Variants in CCDC88C observed in about 807,000 individuals in gnomAD.
CCDC88C encodes the protein coiled-coil and HOOK domain protein 88C.
CCDC88C carries 131 observed loss-of-function variants against 198.8 expected under a neutral mutation model. That is an observed-to-expected ratio of 0.66 (90% CI 0.57 to 0.76). The LOEUF is 0.76. Ranked by LOEUF, CCDC88C falls within the 30% of genes least tolerant of loss-of-function variation. The probability of loss-of-function intolerance (pLI) is 0.00; values close to 1 mark genes in which losing one functional copy is unlikely to be tolerated. For missense variants in CCDC88C, 2,553 were observed against 2,631.6 expected, an observed-to-expected ratio of 0.97 and a Z score of 0.65; for synonymous variants, 1,166 against 1,114.7, an observed-to-expected ratio of 1.05 and a Z score of -0.92.
At chr14:91,329,322 A>C (rs1892712839) in intron 10 of CCDC88C, among the ~76,000 whole-genome samples, 1 of 152,210 alleles carries the variant, frequency 6.6e-6, no homozygotes, top group Non-Finnish European at 1.5e-5. Context: ...TCCAGGTGGG[A>C]ACAGAAGACT....
At chr14:91,340,449 G>A (rs561125788) in intron 6 of CCDC88C, among the ~76,000 whole-genome samples, 1 of 152,318 alleles carries the variant, frequency 6.6e-6, no homozygotes, top group African/African-American at 2.4e-5. Flanking sequence ...AGAATGTTGT[G>A]TACAAAGCAA....
chr14:91,290,567 A>C (rs546963161), intron 24 of CCDC88C, among the ~76,000 whole-genome samples: 2 of 152,228 alleles, frequency 1.3e-5, no homozygotes, highest in Admixed American at 6.5e-5. Flanking sequence ...AAAAATCTGC[A>C]TAAGGTCAAA....
chr14:91,387,767 G>A (rs945411161), intron 3 of CCDC88C, among the ~76,000 whole-genome samples: 39 of 152,208 alleles, frequency 2.6e-4, no homozygotes, highest in Admixed American at 3.9e-4. Context: ...GCAGCACCCT[G>A]AGAGACAAGA....
intron 4 of CCDC88C, among the ~76,000 whole-genome samples, chr14:91,355,585 G>A (rs113911925): frequency 1.1e-4 from 17 of 152,308 alleles, no homozygotes; most frequent in African/African-American, 3.4e-4. Context: ...CAGACACAGC[G>A]TAAGGGAGTG....
intron 4 of CCDC88C, among the ~76,000 whole-genome samples, chr14:91,345,306 C>T (rs1893499939): frequency 6.7e-6 from 1 of 150,108 alleles, no homozygotes; most frequent in Non-Finnish European, 1.5e-5. Context: ...GATTCTCCTG[C>T]CTCAGCCTCC....
At chr14:91,326,103 G>A (rs1892573758) in intron 10 of CCDC88C, 47 bp from the exon 11 acceptor site, 5 of 1,561,964 alleles carry the variant, frequency 3.2e-6, no homozygotes, top group South Asian at 2.3e-5. Context: ...AAGGCACCTG[G>A]GTCATTAGGA....
chr14:91,382,805 C>A (rs1002601842), intron 3 of CCDC88C, among the ~76,000 whole-genome samples: 7 of 152,202 alleles, frequency 4.6e-5, no homozygotes, highest in East Asian at 1.9e-4. Flanking sequence ...CTTTAAAATT[C>A]TCTGCTTTAT....
At position 91,339,695 on chromosome 14, in the gene CCDC88C, C is replaced by T. The variant is rs1388848715; in HGVS notation, c.624+189G>A. Among the ~76,000 whole-genome samples the T allele has an allele frequency of 6.6e-6, 1 of 152,210 alleles. No individual in the cohort carries two copies. The highest frequency in any genetic ancestry group is 2.4e-5 in the African/African-American group (1 of 41,458). ...GCCCCAAGCTCCGCGTCCTGATTCC[C>T]TGTATCCTCCCACAGGCCCGAGGTG... On this transcript the variant is annotated intron_variant, in intron 7 of 29. Transcript: ENST00000389857. This position sits in a 1 kb window ranked among gnomAD's most constrained non-coding sequence, Gnocchi z 5.8.
Position 91,351,165 on chromosome 14 carries a change from C to T in CCDC88C, c.341-7508G>A, listed in dbSNP as rs185932379. ...GTTTCAGTTTCTCTCTTCTACGGCA[C>T]GTATGTGTGCTTACTTATTCTACAT... On this transcript the variant is annotated intron_variant, in intron 4 of 29. Coordinates refer to ENST00000389857, the MANE Select transcript of CCDC88C (RefSeq NM_001080414.4). Among the ~76,000 whole-genome samples, 15 of 152,302 alleles carry T rather than the reference C, an allele frequency of 9.8e-5. No individual in the cohort carries two copies. In the East Asian group the frequency reaches 2.1e-3, roughly 22 times the overall value.
At chr14:91,286,288 C>T (rs534899326) in intron 25 of CCDC88C, among the ~76,000 whole-genome samples, 7 of 152,290 alleles carry the variant, frequency 4.6e-5, no homozygotes, top group African/African-American at 7.2e-5. Flanking sequence ...TTCAATGATC[C>T]GTTTCAGGGC....
chr14:91,403,150 G>A (rs1358712205), intron 3 of CCDC88C, among the ~76,000 whole-genome samples: 1 of 152,188 alleles, frequency 6.6e-6, no homozygotes, highest in Non-Finnish European at 1.5e-5. Context: ...CCCCAGCCTT[G>A]CTGCCTCTGC....
At chr14:91,279,000 T>C (rs6575186) in intron 28 of CCDC88C, among the ~76,000 whole-genome samples, 134,996 of 150,328 alleles carry the variant, frequency 0.9, 61,156 homozygotes, top group African/African-American at 0.98. Context: ...CTCCCAGGCT[T>C]GAGCGAGCCT....
intron 3 of CCDC88C, among the ~76,000 whole-genome samples, chr14:91,389,386 T>C (rs1885347921): frequency 6.6e-6 from 1 of 152,160 alleles, no homozygotes; most frequent in Non-Finnish European, 1.5e-5. Flanking sequence ...AAGTTCAAAG[T>C]CAAGGTCACT....
intron 2 of CCDC88C, among the ~76,000 whole-genome samples, chr14:91,409,817 A>G (rs776479313): frequency 2.0e-5 from 3 of 152,200 alleles, no homozygotes; most frequent in Non-Finnish European, 4.4e-5. Context: ...TAATTCGCCA[A>G]TAAAATCATA....
intron 2 of CCDC88C, among the ~76,000 whole-genome samples, chr14:91,415,784 A>G (rs991520686): frequency 2.7e-5 from 4 of 148,702 alleles, no homozygotes; most frequent in African/African-American, 1.0e-4. Context: ...AAGGCAATCT[A>G]TATAAGCCAC....
At chr14:91,375,288 G>T (rs1446959583) in intron 3 of CCDC88C, among the ~76,000 whole-genome samples, 1 of 152,066 alleles carries the variant, frequency 6.6e-6, no homozygotes, top group African/African-American at 2.4e-5. Context: ...CGCGCATGTG[G>T]GAGAGAGAGA....
intron 3 of CCDC88C, chr14:91,408,394 A>G (rs1886620664): frequency 1.9e-5 from 7 of 368,378 alleles, no homozygotes; most frequent in Non-Finnish European, 3.1e-5. Context: ...GAGGCTGCAA[A>G]CTGAGGCTCC....
intron 28 of CCDC88C, 68 bp downstream of exon 28, chr14:91,279,170 T>A (rs1227237251): frequency 1.5e-6 from 2 of 1,343,086 alleles, no homozygotes; most frequent in Non-Finnish European, 2.1e-6. Flanking sequence ...AAAGTGCTGA[T>A]TATAGGCATG....
chr14:91,341,481 C>G (rs957649513), intron 6 of CCDC88C, among the ~76,000 whole-genome samples: 3 of 152,270 alleles, frequency 2.0e-5, no homozygotes, highest in African/African-American at 7.2e-5. Flanking sequence ...GCTGTGGAAG[C>G]TGGTAGGCCC....
Sources: allele counts gnomAD v4.1 joint callset (sites outside exome capture counted in the v4.1 genomes callset), GRCh38; gene constraint gnomAD v4.1.1; non-coding constraint Gnocchi (gnomAD v3.1); transcripts MANE v1.5; gene names NCBI Gene and HGNC (gene_info 2026-07-23, HGNC 2026-07-21).